The following CSMD1 variants were observed in gnomAD, a reference collection of about 807,000 sequenced individuals.
CSMD1 encodes the protein CUB and sushi domain-containing protein 1.
A neutral mutation model predicts 417.5 loss-of-function variants in CSMD1; 213 were observed. The observed-to-expected ratio is 0.51, with a 90% CI of 0.46 to 0.57. The LOEUF (loss-of-function observed/expected upper bound fraction) is 0.57, where lower values mean the gene tolerates loss of function less well. Ranked by LOEUF, CSMD1 falls within the 20% of genes least tolerant of loss-of-function variation. The pLI, the probability that CSMD1 is intolerant of heterozygous loss-of-function variation, is 0.00. For missense variants in CSMD1, 6,923 were observed against 4,529.7 expected (o/e 1.53, Z -15.17); for synonymous variants, 2,862 against 1,736.8 (o/e 1.65, Z -16.11).
chr8:4,584,518 C>T (rs1327222489), intron 2 of CSMD1, among the ~76,000 whole-genome samples: 1 of 151,960 alleles, frequency 6.6e-6, no homozygotes, highest in Non-Finnish European at 1.5e-5. Flanking sequence ...TAACAACCCC[C>T]AACTCTTCGG....
At chr8:4,822,347 G>C (rs1194940534) in intron 1 of CSMD1, among the ~76,000 whole-genome samples, 2 of 152,104 alleles carry the variant, frequency 1.3e-5, no homozygotes, top group East Asian at 1.9e-4. Context: ...TTTATGTTTA[G>C]AGAGGACAAA....
chr8:3,990,114 G>C (rs969012577), intron 5 of CSMD1, among the ~76,000 whole-genome samples: 2 of 152,148 alleles, frequency 1.3e-5, no homozygotes, highest in Non-Finnish European at 1.5e-5. Context: ...TTTTAAATGA[G>C]AAATTTATTT....
At chr8:3,698,795 G>C (rs1800696691) in intron 7 of CSMD1, among the ~76,000 whole-genome samples, 1 of 152,188 alleles carries the variant, frequency 6.6e-6, no homozygotes. Flanking sequence ...AATGTATCTG[G>C]TTATCTGGAA....
intron 30 of CSMD1, among the ~76,000 whole-genome samples, chr8:3,206,632 G>A (rs1160314890): frequency 1.4e-5 from 2 of 141,972 alleles, no homozygotes; most frequent in African/African-American, 5.3e-5. Flanking sequence ...GTGGGGTTAT[G>A]TCTGTGTGTG....
intron 12 of CSMD1, among the ~76,000 whole-genome samples, chr8:3,439,885 G>C (rs1035111008): frequency 2.6e-5 from 4 of 152,112 alleles, no homozygotes; most frequent in African/African-American, 9.7e-5. Context: ...ATGTCCAGTT[G>C]TCCTGGAGCC....
At chr8:4,906,498 A>C (rs528208681) in intron 1 of CSMD1, among the ~76,000 whole-genome samples, 1 of 54,970 alleles carries the variant, frequency 1.8e-5, no homozygotes, top group African/African-American at 6.3e-5. Context: ...ATGATTTCAC[A>C]CACTTTGTTT....
intron 1 of CSMD1, among the ~76,000 whole-genome samples, chr8:4,890,998 T>G (rs935045594): frequency 2.0e-5 from 3 of 152,108 alleles, no homozygotes; most frequent in Admixed American, 6.5e-5. Context: ...ATGTTTTCAA[T>G]CAAGACCTCT....
intron 1 of CSMD1, among the ~76,000 whole-genome samples, chr8:4,868,488 G>T (rs1030577415): frequency 6.6e-6 from 1 of 151,796 alleles, no homozygotes; most frequent in South Asian, 2.1e-4. Context: ...CGCCTGCCTC[G>T]GTCTCCCAAA....
At chr8:4,832,048 C>A (rs971821483) in intron 1 of CSMD1, among the ~76,000 whole-genome samples, 1 of 152,338 alleles carries the variant, frequency 6.6e-6, no homozygotes, top group South Asian at 2.1e-4. Flanking sequence ...TGTTACCTTA[C>A]AATCAAACCA....
intron 26 of CSMD1, among the ~76,000 whole-genome samples, chr8:3,254,189 G>T (rs895081837): frequency 6.6e-6 from 1 of 152,190 alleles, no homozygotes; most frequent in Non-Finnish European, 1.5e-5. Context: ...CTTTAAGAAT[G>T]TGGAATATTG....
chr8:3,598,657 G>A (rs1008995965), intron 8 of CSMD1, among the ~76,000 whole-genome samples: 1 of 152,162 alleles, frequency 6.6e-6, no homozygotes, highest in Non-Finnish European at 1.5e-5. Flanking sequence ...TTTTGCTAAG[G>A]AAATGAAAGA....
chr8:4,204,455 A>C (rs769539947), intron 3 of CSMD1, among the ~76,000 whole-genome samples: 3 of 152,290 alleles, frequency 2.0e-5, no homozygotes, highest in Middle Eastern at 3.4e-3. Context: ...CTTCATGAAC[A>C]CCTGAGATTT....
intron 1 of CSMD1, among the ~76,000 whole-genome samples, chr8:4,688,180 T>C (rs1292845257): frequency 1.3e-5 from 2 of 152,166 alleles, no homozygotes; most frequent in African/African-American, 2.4e-5. Flanking sequence ...TTTTTGTGAG[T>C]GTACGAGAGT....
intron 6 of CSMD1, among the ~76,000 whole-genome samples, chr8:3,739,450 C>T (rs557724529): frequency 1.3e-5 from 2 of 152,202 alleles, no homozygotes; most frequent in Admixed American, 6.5e-5. Context: ...AAGTGATGCA[C>T]CCGTTAATTA....
intron 3 of CSMD1, among the ~76,000 whole-genome samples, chr8:4,285,078 G>T (rs560254042): frequency 6.6e-6 from 1 of 152,174 alleles, no homozygotes; most frequent in African/African-American, 2.4e-5. Flanking sequence ...GATGCCTAGT[G>T]TGTAGGAAAG....
intron 7 of CSMD1, among the ~76,000 whole-genome samples, chr8:3,679,001 A>T (rs1799519038): frequency 6.6e-6 from 1 of 152,194 alleles, no homozygotes; most frequent in Non-Finnish European, 1.5e-5. Flanking sequence ...TTTTGCCACC[A>T]CCAGACCTCC....
chr8:3,789,541 C>T (rs1462291609), intron 5 of CSMD1, among the ~76,000 whole-genome samples: 1 of 148,220 alleles, frequency 6.7e-6, no homozygotes, highest in Non-Finnish European at 1.5e-5. Flanking sequence ...TACTTTAATA[C>T]TCCAAATTAA....
chr8:3,971,950 C>A (rs538964365), intron 5 of CSMD1, among the ~76,000 whole-genome samples: 6 of 152,040 alleles, frequency 3.9e-5, no homozygotes, highest in African/African-American at 1.4e-4. Context: ...TTCTGTTGCC[C>A]AGGCTGGAGT....
chr8:3,566,627 A>G (rs1399789140), intron 10 of CSMD1, among the ~76,000 whole-genome samples: 1 of 152,206 alleles, frequency 6.6e-6, no homozygotes, highest in Admixed American at 6.5e-5. Context: ...AGATATGAAC[A>G]GACACTTTTC....
Sources: allele counts gnomAD v4.1 joint callset (sites outside exome capture counted in the v4.1 genomes callset), GRCh38; gene constraint gnomAD v4.1.1; transcripts MANE v1.5; gene names NCBI Gene and HGNC (gene_info 2026-07-23, HGNC 2026-07-21).